The following ABCC4 variants were observed in gnomAD, a reference collection of about 807,000 sequenced individuals.
ABCC4 encodes ATP-binding cassette sub-family C member 4.
ABCC4 carries 102 observed loss-of-function variants against 168.5 expected under a neutral mutation model. The ratio of observed to expected loss-of-function variants is 0.61; its 90% CI spans 0.52 to 0.71. The LOEUF (loss-of-function observed/expected upper bound fraction) is 0.71, where lower values mean the gene tolerates loss of function less well. ABCC4 is among the 30% of genes least tolerant of loss of function. ABCC4 has a pLI of 0.00. For synonymous variants in ABCC4, 617 were observed against 590.7 expected (o/e 1.04, Z -0.65); for missense variants, 1,402 against 1,605.8 (o/e 0.87, Z 2.17).
At chr13:95,228,423 T>G (rs2039528726) in intron 4 of ABCC4, among the ~76,000 whole-genome samples, 1 of 152,188 alleles carries the variant, frequency 6.6e-6, no homozygotes, top group Admixed American at 6.5e-5. Context: ...GGCTGTCTGC[T>G]GCTCTGACCA....
intron 20 of ABCC4, among the ~76,000 whole-genome samples, chr13:95,112,611 T>C (rs972233028): frequency 6.6e-6 from 1 of 152,230 alleles, no homozygotes. Context: ...TTGGTTCTGA[T>C]GATACGTAGT....
intron 3 of ABCC4, among the ~76,000 whole-genome samples, chr13:95,241,131 A>G (rs571034507): frequency 2.4e-4 from 36 of 152,128 alleles, no homozygotes; most frequent in African/African-American, 8.7e-4. Context: ...CTGGGAGGCC[A>G]AGGTGGGTGA....
chr13:95,127,567 C>T (rs1424927805), intron 19 of ABCC4, among the ~76,000 whole-genome samples: 2 of 152,136 alleles, frequency 1.3e-5, no homozygotes, highest in African/African-American at 2.4e-5. Context: ...TGTGAGCCAC[C>T]GTGCCTGGCC....
Position 95,043,807 on chromosome 13 carries a change from G to C in ABCC4, c.3630-20C>G. 2 of 1,566,016 alleles carry C rather than the reference G, an allele frequency of 1.3e-6. No homozygotes were observed. The highest frequency in any genetic ancestry group is 1.8e-6 in the Non-Finnish European group (2 of 1,137,986). On this transcript the variant is annotated intron_variant, in intron 28 of 30. Coordinates refer to ENST00000645237, the MANE Select transcript of ABCC4 (RefSeq NM_005845.5). ...TCAGTTCTGCAATCAAAGAAGTTAA[G>C]TTTAATTTCGTAAAGATGCAAAAAG...
chr13:95,061,890 T>A (rs954653259), intron 26 of ABCC4, among the ~76,000 whole-genome samples: 17 of 152,156 alleles, frequency 1.1e-4, no homozygotes, highest in African/African-American at 3.4e-4. Flanking sequence ...GAATACTTTC[T>A]GAATTTATGT....
chr13:95,030,743 C>T (rs541629918), intron 30 of ABCC4, among the ~76,000 whole-genome samples: 1 of 152,288 alleles, frequency 6.6e-6, no homozygotes, highest in African/African-American at 2.4e-5. Flanking sequence ...TGATCTCAGA[C>T]TCCAGCACGG....
At chr13:95,150,741 T>C (rs1260967381) in intron 19 of ABCC4, among the ~76,000 whole-genome samples, 1 of 152,186 alleles carries the variant, frequency 6.6e-6, no homozygotes, top group Admixed American at 6.5e-5. Context: ...TACAGGTACT[T>C]GTAAAGGGCA....
At chr13:95,160,500 A>G (rs2037060905) in intron 19 of ABCC4, among the ~76,000 whole-genome samples, 5 of 152,200 alleles carry the variant, frequency 3.3e-5, no homozygotes, top group Admixed American at 2.0e-4. Context: ...AATACTGGGT[A>G]TAGTTGGGTA....
chr13:95,174,660 C>T (rs1189039019), intron 13 of ABCC4, among the ~76,000 whole-genome samples: 1 of 152,208 alleles, frequency 6.6e-6, no homozygotes, highest in Non-Finnish European at 1.5e-5. Flanking sequence ...AATGAAAATA[C>T]CTTCCTCCTT....
At chr13:95,295,032 G>A (rs148613830) in intron 1 of ABCC4, among the ~76,000 whole-genome samples, 1,700 of 152,114 alleles carry the variant, frequency 0.011, 17 homozygotes, top group Non-Finnish European at 0.018. Flanking sequence ...AATCTAAACC[G>A]CAGAGGATCA....
chr13:95,125,476 A>C (rs1050971612), intron 19 of ABCC4, among the ~76,000 whole-genome samples: 3 of 152,172 alleles, frequency 2.0e-5, no homozygotes, highest in Admixed American at 2.0e-4. Context: ...AAATAACTCC[A>C]CCTCAGGATT....
chr13:95,143,222 G>A (rs537812806), intron 19 of ABCC4, among the ~76,000 whole-genome samples: 1 of 151,702 alleles, frequency 6.6e-6, no homozygotes, highest in African/African-American at 2.4e-5. Context: ...ATTTTTTCAG[G>A]CCTAGAGAAC....
intron 29 of ABCC4, among the ~76,000 whole-genome samples, chr13:95,042,167 G>A (rs1430974117): frequency 6.6e-6 from 1 of 152,114 alleles, no homozygotes; most frequent in East Asian, 1.9e-4. Context: ...GGGAATGCTT[G>A]CCTTTCCCTC....
At chr13:95,190,103 G>T (rs1381996683) in intron 9 of ABCC4, among the ~76,000 whole-genome samples, 1 of 152,088 alleles carries the variant, frequency 6.6e-6, no homozygotes, top group Non-Finnish European at 1.5e-5. Flanking sequence ...CCAACATTTT[G>T]GGAGATGGAG....
intron 29 of ABCC4, among the ~76,000 whole-genome samples, chr13:95,041,107 A>G (rs2032337973): frequency 6.6e-6 from 1 of 152,246 alleles, no homozygotes; most frequent in South Asian, 2.1e-4. Context: ...ATGTGGAGAT[A>G]GTGGTGCGTA....
intron 30 of ABCC4, 76 bp from the exon 31 acceptor site, chr13:95,021,758 G>A (rs1332646222): frequency 1.0e-6 from 1 of 972,042 alleles, no homozygotes; most frequent in Admixed American, 2.2e-5. Flanking sequence ...ATGCACTTCT[G>A]TGTCTACTTC....
chr13:95,069,451 T>C (rs1231754573), intron 25 of ABCC4, among the ~76,000 whole-genome samples: 2 of 152,188 alleles, frequency 1.3e-5, no homozygotes, highest in South Asian at 4.1e-4. Flanking sequence ...ACTTTTCAAA[T>C]TGTGGTAAAG....
At chr13:95,273,815 T>C (rs1275048752) in intron 1 of ABCC4, among the ~76,000 whole-genome samples, 1 of 124,130 alleles carries the variant, frequency 8.1e-6, no homozygotes, top group Non-Finnish European at 1.7e-5. Context: ...TTTTTTGGTT[T>C]GTTTTTTTTT....
intron 1 of ABCC4, among the ~76,000 whole-genome samples, chr13:95,296,747 G>A (rs1566609923): frequency 6.6e-6 from 1 of 152,108 alleles, no homozygotes; most frequent in Non-Finnish European, 1.5e-5. Flanking sequence ...GGCACCAGGG[G>A]GCAGCAGGAC....
Sources: allele counts gnomAD v4.1 joint callset (sites outside exome capture counted in the v4.1 genomes callset), GRCh38; gene constraint gnomAD v4.1.1; transcripts MANE v1.5; gene names NCBI Gene and HGNC (gene_info 2026-07-23, HGNC 2026-07-21).